Variants in ARSB observed in about 807,000 individuals in gnomAD.
ARSB encodes arylsulfatase B, also known as N-acetylgalactosamine-4-sulfatase.
In ARSB, 41 loss-of-function variants were observed where a neutral mutation model predicts 50.9. That is an observed-to-expected ratio of 0.81 (90% CI 0.63 to 1.04). The LOEUF (loss-of-function observed/expected upper bound fraction) is 1.04. Among genes scored for constraint, ARSB ranks in the 50% least tolerant of loss-of-function variants. ARSB has a pLI of 0.00. For missense variants in ARSB, 672 were observed against 693.3 expected, an observed-to-expected ratio of 0.97 and a Z score of 0.35; for synonymous variants, 269 against 284.8, an observed-to-expected ratio of 0.94 and a Z score of 0.56.
rs1354757393 is a variant in ARSB at position 78,933,235 on chromosome 5, C to A, written c.898+22060G>T. Among the ~76,000 whole-genome samples the A allele has an allele frequency of 2.6e-5, 4 of 152,166 alleles. No individual in the cohort carries two copies. The East Asian group carries it at 7.7e-4, about 29-fold the overall frequency. ...GTTCCCAAGGTGTCAAATATATACCCATGGATTGAAGAATGGGCCTGAATT... is the reference window on the plus strand; with the variant it reads ...GTTCCCAAGGTGTCAAATATATACCAATGGATTGAAGAATGGGCCTGAATT... On this transcript the variant is annotated intron_variant, in intron 4 of 7. Coordinates refer to ENST00000264914, the MANE Select transcript of ARSB (RefSeq NM_000046.5).
chr5:78,907,755 G>A (rs116619469), intron 4 of ARSB, among the ~76,000 whole-genome samples: 2,423 of 152,244 alleles, frequency 0.016, 36 homozygotes, highest in East Asian at 0.041. Context: ...GCAAATAGCG[G>A]CCAAGTCCAT....
intron 4 of ARSB, among the ~76,000 whole-genome samples, chr5:78,924,661 G>T (rs1387323978): frequency 3.9e-5 from 6 of 152,184 alleles, no homozygotes; most frequent in African/African-American, 1.2e-4. Flanking sequence ...AAATCAAAAA[G>T]TGATATAAAG....
In ARSB at chr5:78,866,332, T is replaced by G. The variant is rs150588114; in HGVS notation, c.1142+19252A>C. Reference sequence around the variant, plus strand: ...TTTCCCCTTATATTACCATCAGATCTTGTGAGCCCTATTCACTATCATGAG... The same window carrying G: ...TTTCCCCTTATATTACCATCAGATCGTGTGAGCCCTATTCACTATCATGAG... On this transcript the variant is annotated intron_variant, in intron 5 of 7. Transcript: ENST00000264914. 4.1e-4 allele frequency among the ~76,000 whole-genome samples: 62 copies of G among 152,264 alleles called. 1 individual carries two copies. In the East Asian group the frequency reaches 0.012, roughly 29 times the overall value.
chr5:78,945,366 C>T (rs1390537647), intron 4 of ARSB, among the ~76,000 whole-genome samples: 2 of 152,188 alleles, frequency 1.3e-5, no homozygotes, highest in African/African-American at 4.8e-5. Context: ...TCTTCTGCGT[C>T]GCACATGTTG....
chr5:78,809,219 A>G (rs1463706350), intron 6 of ARSB, among the ~76,000 whole-genome samples: 1 of 152,228 alleles, frequency 6.6e-6, no homozygotes, highest in African/African-American at 2.4e-5. Flanking sequence ...TGCAATCAGT[A>G]TGCAATCCTG....
chr5:78,863,464 G>A (rs1746551155), intron 5 of ARSB, among the ~76,000 whole-genome samples: 3 of 152,056 alleles, frequency 2.0e-5, no homozygotes, highest in Admixed American at 1.3e-4. Flanking sequence ...GTAGGGACAT[G>A]GATGAAGCTG....
In ARSB at chr5:78,869,308, C is replaced by T. The variant is rs1235719670; in HGVS notation, c.1142+16276G>A. Among the ~76,000 whole-genome samples, 12 of 128,350 alleles carry T rather than the reference C, an allele frequency of 9.3e-5. No homozygotes were observed. In the East Asian group the frequency reaches 1.7e-3, roughly 18 times the overall value. 84.2% of individuals were successfully genotyped at this position (128,350 alleles called of 152,430 possible). A position where few individuals can be genotyped will look rare whatever the true frequency, so the allele number is the denominator to read the frequency against. ...GAATTGAACTCAGCTCTGCACCAAG[C>T]GGACCTAATAGACATCTACAGAACT... On this transcript the variant is annotated intron_variant, in intron 5 of 7. Transcript: ENST00000264914.
chr5:78,850,028 C>T (rs1745678226), intron 5 of ARSB, among the ~76,000 whole-genome samples: 1 of 151,740 alleles, frequency 6.6e-6, no homozygotes. Context: ...TTGACTTCCT[C>T]TTTTCCTAAT....
Position 78,890,084 on chromosome 5 carries a change from A to G in ARSB, c.899-4257T>C, listed in dbSNP as rs1467792212. 2.0e-5 allele frequency among the ~76,000 whole-genome samples: 3 copies of G among 152,198 alleles called. No homozygotes were observed. In the East Asian group the frequency reaches 5.8e-4, roughly 29 times the overall value. On this transcript the variant is annotated intron_variant, in intron 4 of 7. Transcript: ENST00000264914. ...AAAAGTATCTGCTTGTTGATGGTTGATTCTTTGGATTTTTTTTTAAATTAC... is the reference window on the plus strand; with the variant it reads ...AAAAGTATCTGCTTGTTGATGGTTGGTTCTTTGGATTTTTTTTTAAATTAC...
intron 4 of ARSB, among the ~76,000 whole-genome samples, chr5:78,894,936 C>A (rs1274007210): frequency 6.6e-6 from 1 of 152,138 alleles, no homozygotes; most frequent in African/African-American, 2.4e-5. Context: ...TGGAAGGCAG[C>A]CTGGAGCTCC....
rs1748885860 is a variant in ARSB, at chr5:78,780,268, C to A, written c.*129G>T. 1.6e-6 allele frequency: 2 copies of A among 1,278,514 alleles called. No homozygotes were observed. The highest frequency in any genetic ancestry group is 2.3e-6 in the Non-Finnish European group (2 of 888,684). 79.2% of individuals were successfully genotyped at this position (1,278,514 alleles called of 1,614,324 possible). On this transcript the variant is annotated 3_prime_UTR_variant, in exon 8 of 8. Coordinates refer to ENST00000264914, the MANE Select transcript of ARSB (RefSeq NM_000046.5). ...TGCATTAGGGGTTGAAATTAGACAC[C>A]TCGGTGTGGTTTAAGAGCAAGAGAA...
intron 1 of ARSB, among the ~76,000 whole-genome samples, chr5:78,983,557 TG>T (rs1753012380): frequency 6.6e-6 from 1 of 152,074 alleles, no homozygotes; most frequent in Non-Finnish European, 1.5e-5. Context: ...TCCCACAAAG[TG>T]TCCAGGGTGA....
intron 4 of ARSB, among the ~76,000 whole-genome samples, chr5:78,948,633 T>C (rs1392672706): frequency 6.6e-6 from 1 of 152,148 alleles, no homozygotes; most frequent in East Asian, 1.9e-4. Context: ...GTCAGCTTTT[T>C]GAAGAGTCTA....
intron 1 of ARSB, among the ~76,000 whole-genome samples, chr5:78,978,351 AAC>A (rs1308509655): frequency 4.9e-5 from 7 of 142,172 alleles, no homozygotes; most frequent in African/African-American, 1.6e-4. Flanking sequence ...AAAAAAAAAA[AAC>A]CCTCTAAATA....
intron 6 of ARSB, among the ~76,000 whole-genome samples, chr5:78,829,366 G>C (rs1744574108): frequency 6.6e-6 from 1 of 152,134 alleles, no homozygotes; most frequent in African/African-American, 2.4e-5. Flanking sequence ...TGAAGTAATG[G>C]ACAAATTTAA....
intron 6 of ARSB, among the ~76,000 whole-genome samples, chr5:78,814,830 G>T (rs894534869): frequency 6.6e-6 from 1 of 150,758 alleles, no homozygotes; most frequent in African/African-American, 2.5e-5. Context: ...ATAGCTGAGA[G>T]ATCCTGAAGC....
Position 78,777,440 on chromosome 5 carries a change from C to A in ARSB, c.*2957G>T, listed in dbSNP as rs1240962700. The A allele has an allele frequency of 6.6e-6, 1 of 152,506 alleles. No individual in the cohort carries two copies. Among genetic ancestry groups the A allele is most frequent in the Non-Finnish European group, 1.5e-5 (1 of 68,030 alleles). 9.4% of individuals were successfully genotyped at this position (152,506 alleles called of 1,614,324 possible). On this transcript the variant is annotated 3_prime_UTR_variant, in exon 8 of 8. Coordinates refer to ENST00000264914, the MANE Select transcript of ARSB (RefSeq NM_000046.5). The stretch of plus-strand genomic sequence containing the variant: ...CTTTCTCCTCACCCCAAATGGAAGC[C>A]CCATACATATGGCTGACACATTTTA...
intron 4 of ARSB, among the ~76,000 whole-genome samples, chr5:78,936,127 CTCT>C (rs1310508247): frequency 2.0e-4 from 17 of 86,192 alleles, no homozygotes; most frequent in Admixed American, 1.7e-3. Flanking sequence ...CTCTCTCTCT[CTCT>C]TTTTTTTTTT....
rs767061346 is a variant in ARSB, at chr5:78,985,039, C to T, written c.210G>A (p.Pro70=). The T allele has an allele frequency of 1.7e-5, 26 of 1,541,444 alleles. No homozygotes were observed. The South Asian group carries it at 2.8e-4, about 16-fold the overall frequency. ...CGCCGGCCGCCAGCGCGTCCAGGTG[C>T]GGCGTGCGGATGCGGGAGCCGTGGA... ...VGFHGSRIRT[P]HLDALAAGGV... The change falls in exon 1 of 8, where the codon CCG becomes CCA. Residue 70 remains proline, a synonymous_variant. Coordinates refer to ENST00000264914, the MANE Select transcript of ARSB (RefSeq NM_000046.5).
Sources: allele counts gnomAD v4.1 joint callset (sites outside exome capture counted in the v4.1 genomes callset), GRCh38; gene constraint gnomAD v4.1.1; transcripts MANE v1.5; gene names NCBI Gene and HGNC (gene_info 2026-07-23, HGNC 2026-07-21).